GTF2E1: variants seen among roughly 807,000 people sequenced by gnomAD.
GTF2E1 encodes TFIIE alpha subunit.
Under a neutral mutation model 34.9 loss-of-function variants are expected in GTF2E1, and 14 were observed. The ratio of observed to expected loss-of-function variants is 0.40; its 90% CI spans 0.27 to 0.63. The LOEUF (loss-of-function observed/expected upper bound fraction) is 0.63. Ranked by LOEUF, GTF2E1 falls within the 20% of genes least tolerant of loss-of-function variation. The probability of loss-of-function intolerance (pLI) is 0.39; values close to 1 mark genes in which losing one functional copy is unlikely to be tolerated. For synonymous variants in GTF2E1, 188 were observed against 192.9 expected (o/e 0.97, Z 0.21); for missense variants, 469 against 557.7 (o/e 0.84, Z 1.60).
intron 2 of GTF2E1, among the ~76,000 whole-genome samples, chr3:120,757,532 A>G (rs1709219307): frequency 6.6e-6 from 1 of 152,212 alleles, no homozygotes; most frequent in Non-Finnish European, 1.5e-5. Context: ...AATTAAATGT[A>G]ATGTAAAACT....
chr3:120,776,906 A>G (rs542104545), intron 4 of GTF2E1, among the ~76,000 whole-genome samples: 2 of 152,314 alleles, frequency 1.3e-5, no homozygotes, highest in South Asian at 4.1e-4. Flanking sequence ...AAAAATTGTC[A>G]TCTTTTTATC....
chr3:120,748,946 G>T (rs867236272), intron 1 of GTF2E1, among the ~76,000 whole-genome samples: 4 of 152,224 alleles, frequency 2.6e-5, no homozygotes, highest in Middle Eastern at 6.8e-3. Flanking sequence ...GTTTGTAGTT[G>T]TCCTTGAAGA....
chr3:120,773,655 T>G (rs186449013), intron 3 of GTF2E1, among the ~76,000 whole-genome samples: 2 of 152,280 alleles, frequency 1.3e-5, no homozygotes, highest in East Asian at 3.9e-4. Context: ...TTAAAGATTT[T>G]TAAAAATTTA....
chr3:120,746,171 C>T (rs1709103499), intron 1 of GTF2E1, among the ~76,000 whole-genome samples: 1 of 152,064 alleles, frequency 6.6e-6, no homozygotes, highest in Non-Finnish European at 1.5e-5. Flanking sequence ...AGTATTAAAT[C>T]TGTTGGGTTG....
intron 3 of GTF2E1, among the ~76,000 whole-genome samples, chr3:120,773,901 T>A (rs1180350884): frequency 6.6e-6 from 1 of 152,190 alleles, no homozygotes; most frequent in Non-Finnish European, 1.5e-5. Context: ...CAAAAGACTT[T>A]TTAAAAGTAC....
intron 2 of GTF2E1, among the ~76,000 whole-genome samples, chr3:120,751,510 A>G (rs759299773): frequency 3.3e-5 from 5 of 152,196 alleles, no homozygotes; most frequent in Non-Finnish European, 7.4e-5. Context: ...TCTTTCCAAG[A>G]TAAGACATTT....
intron 2 of GTF2E1, among the ~76,000 whole-genome samples, chr3:120,752,508 T>C (rs1709172267): frequency 6.6e-6 from 1 of 152,196 alleles, no homozygotes; most frequent in African/African-American, 2.4e-5. Flanking sequence ...CTACATTTAT[T>C]TGTCATTTGA....
intron 2 of GTF2E1, among the ~76,000 whole-genome samples, chr3:120,758,812 G>C (rs1266709612): frequency 1.3e-5 from 2 of 152,172 alleles, no homozygotes; most frequent in Admixed American, 1.3e-4. Context: ...TCTTAATCCA[G>C]TCTATCATTG....
chr3:120,780,476 T>C (rs1168057798), intron 4 of GTF2E1, among the ~76,000 whole-genome samples: 1 of 152,118 alleles, frequency 6.6e-6, no homozygotes, highest in African/African-American at 2.4e-5. Context: ...GTGTCTGATA[T>C]GTACAAGGAA....
chr3:120,751,619 C>T (rs1435008354), intron 2 of GTF2E1, among the ~76,000 whole-genome samples: 3 of 152,114 alleles, frequency 2.0e-5, no homozygotes. Flanking sequence ...TTTCATAACA[C>T]AATTTAGAAA....
At chr3:120,760,051 T>C (rs1709246452) in intron 2 of GTF2E1, among the ~76,000 whole-genome samples, 1 of 152,258 alleles carries the variant, frequency 6.6e-6, no homozygotes, top group African/African-American at 2.4e-5. Context: ...TTTCACGATA[T>C]TGATTCTTCC....
intron 2 of GTF2E1, among the ~76,000 whole-genome samples, chr3:120,753,185 CTT>C (rs1709180465): frequency 6.6e-6 from 1 of 151,486 alleles, no homozygotes; most frequent in Non-Finnish European, 1.5e-5. Flanking sequence ...TTTTAGAAAT[CTT>C]TGTGTTTTTC....
At chr3:120,759,577 A>G (rs1709239974) in intron 2 of GTF2E1, among the ~76,000 whole-genome samples, 1 of 152,218 alleles carries the variant, frequency 6.6e-6, no homozygotes, top group African/African-American at 2.4e-5. Context: ...GTTAGGTCTT[A>G]CATTTAAGTC....
intron 3 of GTF2E1, among the ~76,000 whole-genome samples, 198 bp from the exon 4 acceptor site, chr3:120,776,225 G>T (rs562136556): frequency 6.6e-6 from 1 of 152,254 alleles, no homozygotes; most frequent in South Asian, 2.1e-4. Flanking sequence ...ATATAAATAT[G>T]ATGTGTTTTT....
chr3:120,772,399 CAAAG>C (rs1311785457), intron 3 of GTF2E1, among the ~76,000 whole-genome samples: 5 of 152,062 alleles, frequency 3.3e-5, no homozygotes, highest in Admixed American at 6.6e-5. Flanking sequence ...AACCAATAAG[CAAAG>C]AAAGAAAGGA....
intron 2 of GTF2E1, among the ~76,000 whole-genome samples, chr3:120,770,133 G>T (rs1576361700): frequency 6.6e-6 from 1 of 152,276 alleles, no homozygotes; most frequent in East Asian, 1.9e-4. Context: ...AAGGAAGGAT[G>T]CATATTCCTG....
At chr3:120,772,211 C>A (rs1463822981) in intron 3 of GTF2E1, among the ~76,000 whole-genome samples, 2 of 152,106 alleles carry the variant, frequency 1.3e-5, no homozygotes, top group African/African-American at 2.4e-5. Flanking sequence ...CTAGGATACT[C>A]TATTTATCCC....
In GTF2E1 at chr3:120,781,128, C is replaced by T. The variant is rs747979983; in HGVS notation, c.978C>T (p.Leu326=). The change falls in exon 5 of 5, where the codon CTC becomes CTT. Residue 326 remains leucine (L), a synonymous_variant. Coordinates refer to ENST00000283875, the MANE Select transcript of GTF2E1 (RefSeq NM_005513.3). Reference sequence around the variant, plus strand: ...ACGAAGAGGTCATGCGAGCACTGCTCATTCACGAGAAAAAGACTTCCTCTG... The same window carrying T: ...ACGAAGAGGTCATGCGAGCACTGCTTATTCACGAGAAAAAGACTTCCTCTG... ...DDNEEVMRAL[L]IHEKKTSSAM... The T allele has an allele frequency of 6.2e-7, 1 of 1,614,060 alleles. No individual in the cohort carries two copies. The highest frequency in any genetic ancestry group is 1.1e-5 in the South Asian group (1 of 91,058).
At chr3:120,772,352 A>T (rs979047616) in intron 3 of GTF2E1, among the ~76,000 whole-genome samples, 1 of 152,190 alleles carries the variant, frequency 6.6e-6, no homozygotes, top group African/African-American at 2.4e-5. Flanking sequence ...AAGGTCCCAG[A>T]GTTCTTTGGA....
Sources: gnomAD v4.1 joint callset for allele counts (sites outside exome capture counted in the v4.1 genomes callset) on GRCh38, gnomAD v4.1.1 for gene constraint, MANE v1.5 for transcripts, NCBI Gene and HGNC (gene_info 2026-07-23, HGNC 2026-07-21) for gene names.